The following ZNF700 variants were observed in gnomAD, a reference collection of about 807,000 sequenced individuals.
The protein encoded by ZNF700 is zinc finger protein 700.
A neutral mutation model predicts 65.3 loss-of-function variants in ZNF700; 38 were observed. That is an observed-to-expected ratio of 0.58 (90% CI 0.45 to 0.76). ZNF700 has a LOEUF of 0.76. Among genes scored for constraint, ZNF700 ranks in the 30% least tolerant of loss-of-function variants. ZNF700 has a pLI of 0.00. For missense variants in ZNF700, 857 were observed against 888.4 expected, an observed-to-expected ratio of 0.96 and a Z score of 0.45; for synonymous variants, 285 against 290.4, an observed-to-expected ratio of 0.98 and a Z score of 0.19.
intron 1 of ZNF700, chr19:11,939,860 A>G (rs2145288689): frequency 6.6e-6 from 1 of 152,346 alleles, no homozygotes; most frequent in South Asian, 2.1e-4. Context: ...TGACAAATCT[A>G]CATAAGTTCT....
At chr19:11,935,084 G>T (rs1359313100) in intron 1 of ZNF700, among the ~76,000 whole-genome samples, 1 of 143,306 alleles carries the variant, frequency 7.0e-6, no homozygotes, top group Non-Finnish European at 1.5e-5. Context: ...GCTGAGGCAG[G>T]AGAATGGCAT....
chr19:11,931,916 G>A (rs1250807488), intron 1 of ZNF700, among the ~76,000 whole-genome samples: 2 of 147,824 alleles, frequency 1.4e-5, no homozygotes, highest in African/African-American at 5.3e-5. Flanking sequence ...AGGAGTTCAA[G>A]ATCACCCTGA....
At chr19:11,932,123 CAA>C (rs964755495) in intron 1 of ZNF700, among the ~76,000 whole-genome samples, 9 of 126,230 alleles carry the variant, frequency 7.1e-5, no homozygotes, top group Admixed American at 1.6e-4. Context: ...AACTTTGTCT[CAA>C]AAAAAAAAAA....
intron 1 of ZNF700, among the ~76,000 whole-genome samples, chr19:11,945,905 AG>A (rs1309235751): frequency 2.6e-5 from 4 of 152,132 alleles, no homozygotes; most frequent in Non-Finnish European, 5.9e-5. Flanking sequence ...GTACAAGTGC[AG>A]GGCAAGCAGA....
chr19:11,927,861 T>C (rs1972655123), intron 1 of ZNF700, among the ~76,000 whole-genome samples: 1 of 152,222 alleles, frequency 6.6e-6, no homozygotes, highest in Non-Finnish European at 1.5e-5. Flanking sequence ...TTCTTGTTAG[T>C]GTCAAGATGG....
Position 11,947,304 on chromosome 19 carries a change from A to T in ZNF700, c.187A>T (p.Ile63Leu), listed in dbSNP as rs752362651. The change falls in exon 2 of 4, where the codon ATA becomes TTA. Residue 63 changes from isoleucine (I) to leucine (L), a missense_variant. Physicochemically the swap from Ile to Leu is conservative, Grantham distance 5. Transcript: ENST00000254321. The part of the protein sequence containing the change: ...MLETFRNLTS[I>L]GKKWSDQNIE... ...GGAAACTTTCAGGAACCTGACCTCT[A>T]TAGGTAAGGATGACAATATTCCTTC... 3.1e-6 allele frequency: 5 copies of T among 1,613,794 alleles called. No homozygotes were observed. In the South Asian group the frequency reaches 4.4e-5, roughly 14 times the overall value.
At chr19:11,926,911 A>G (rs1469520580) in intron 1 of ZNF700, among the ~76,000 whole-genome samples, 2 of 152,210 alleles carry the variant, frequency 1.3e-5, no homozygotes, top group Admixed American at 6.5e-5. Context: ...CTCTAGGGAA[A>G]TAGACTCAGT....
chr19:11,934,982 C>G (rs141557408), intron 1 of ZNF700, among the ~76,000 whole-genome samples: 2,212 of 146,602 alleles, frequency 0.015, 368 homozygotes, highest in African/African-American at 0.057. Context: ...TCAAGACCAT[C>G]CTGGCTAACA....
chr19:11,949,864 C>T lies in ZNF700; in HGVS notation c.1840C>T (p.His614Tyr). Reference protein sequence around the residue: ...ASNLRKHGRTHTGEKPYECKQ... With the variant: ...ASNLRKHGRTYTGEKPYECKQ... Reference sequence around the variant, plus strand: ...AAACCTTCGAAAGCATGGTAGGACTCACACTGGAGAGAAACCCTATGAGTG... The same window carrying T: ...AAACCTTCGAAAGCATGGTAGGACTTACACTGGAGAGAAACCCTATGAGTG... The change falls in exon 4 of 4, where the codon CAC becomes TAC. Residue 614 changes from histidine (H) to tyrosine (Y), a missense_variant. Physicochemically the swap from His to Tyr is moderately conservative, Grantham distance 83. Transcript: ENST00000254321. 6.2e-7 allele frequency: 1 copy of T among 1,614,096 alleles called. No individual in the cohort carries two copies. Among genetic ancestry groups the T allele is most frequent in the Non-Finnish European group, 8.5e-7 (1 of 1,180,022 alleles).
At chr19:11,941,494 G>A (rs969616990) in intron 1 of ZNF700, among the ~76,000 whole-genome samples, 3 of 152,204 alleles carry the variant, frequency 2.0e-5, no homozygotes, top group Non-Finnish European at 2.9e-5. Flanking sequence ...CGGTGGGCTG[G>A]CACTACTGGG....
At chr19:11,946,704 TG>T (rs1207307056) in intron 1 of ZNF700, 1 of 152,760 alleles carries the variant, frequency 6.5e-6, no homozygotes, top group Non-Finnish European at 1.5e-5. Context: ...GTTTTCCTGG[TG>T]TTATAGTAAC....
rs986017077 is a variant in ZNF700 at position 11,948,283 on chromosome 19, A to G, written c.259A>G (p.Ile87Val). ...QNPRRSFRSL[I>V]EEKVNEIKED... The stretch of plus-strand genomic sequence containing the variant: ...GTTTCTCATGTTTTACAGGAGTCTC[A>G]TAGAAGAGAAAGTCAATGAAATTAA... The change falls in exon 4 of 4, where the codon ATA (isoleucine) becomes GTA (valine). Residue 87 changes from isoleucine to valine, a missense_variant. Ile to Val is a conservative substitution (Grantham distance 29, BLOSUM62 3). This residue lies in a region of ZNF700 where 603 missense variants were observed against 619.9 expected (regional missense o/e 0.97). Transcript: ENST00000254321. The G allele has an allele frequency of 5.0e-6, 8 of 1,612,910 alleles. No homozygotes were observed. Among genetic ancestry groups the G allele is most frequent in the Non-Finnish European group, 6.8e-6 (8 of 1,179,646 alleles).
intron 1 of ZNF700, among the ~76,000 whole-genome samples, chr19:11,927,599 T>C (rs556044208): frequency 6.6e-6 from 1 of 152,318 alleles, no homozygotes; most frequent in South Asian, 2.1e-4. Context: ...TACCTGTGCC[T>C]ATGTGCATGT....
intron 1 of ZNF700, among the ~76,000 whole-genome samples, chr19:11,925,800 TA>T (rs1418591347): frequency 1.3e-5 from 2 of 152,214 alleles, no homozygotes; most frequent in Non-Finnish European, 2.9e-5. Context: ...TAAAGAAGTT[TA>T]TTCAGAGCCG....
intron 1 of ZNF700, among the ~76,000 whole-genome samples, chr19:11,931,343 A>G (rs1972710921): frequency 6.8e-6 from 1 of 148,060 alleles, no homozygotes. Flanking sequence ...GAGGAGAGGA[A>G]GCCGGCTCTC....
At chr19:11,947,345 A>G in intron 2 of ZNF700, 38 bp downstream of exon 2, 1 of 1,611,930 alleles carries the variant, frequency 6.2e-7, no homozygotes, top group Non-Finnish European at 8.5e-7. Flanking sequence ...GTGCATTAGC[A>G]AACCAGTGTT....
Position 11,949,514 on chromosome 19 carries a change from AAC to A in ZNF700, c.1494_1495del (p.Ile499LysfsTer10), listed in dbSNP as rs775562142. 3 of 1,608,806 alleles carry A rather than the reference AAC, an allele frequency of 1.9e-6. No individual in the cohort carries two copies. Among genetic ancestry groups the A allele is most frequent in the African/African-American group, 2.7e-5 (2 of 73,440 alleles). On this transcript the variant is annotated frameshift_variant, in exon 4 of 4. Transcript: ENST00000254321. LOFTEE classifies it high-confidence loss of function. ...CTTCAAATTCATGAAAGGACAGAAA[AAC>A]ACATAAGAATGCCCTCTGGAGAAAG...
Position 11,942,006 on chromosome 19 carries a change from C to T in ZNF700, c.64-5175C>T, listed in dbSNP as rs998308483. 7.2e-5 allele frequency among the ~76,000 whole-genome samples: 11 copies of T among 152,160 alleles called. 1 individual carries two copies. Among genetic ancestry groups the T allele is most frequent in the Non-Finnish European group, 1.0e-4 (7 of 68,006 alleles). ...CACCTGGTATCTCTTAGGAGTTTCT[C>T]GTTTGGCCTCTTGTGCACTTAGGGT... is the stretch of plus-strand genomic sequence containing the variant. On this transcript the variant is annotated intron_variant, in intron 1 of 3. Coordinates refer to ENST00000254321, the MANE Select transcript of ZNF700 (RefSeq NM_144566.3).
chr19:11,940,321 G>A (rs1009541443), intron 1 of ZNF700, among the ~76,000 whole-genome samples: 2 of 152,188 alleles, frequency 1.3e-5, no homozygotes, highest in Admixed American at 6.5e-5. Flanking sequence ...AAATGAAGCC[G>A]TGGACCCTTG....
Sources: gnomAD v4.1 joint callset for allele counts (sites outside exome capture counted in the v4.1 genomes callset) on GRCh38, gnomAD v4.1.1 for gene constraint, gnomAD v4.1.1 regional missense constraint, MANE v1.5 for transcripts, NCBI Gene and HGNC (gene_info 2026-07-23, HGNC 2026-07-21) for gene names.